Variants in CAMKK2 observed in about 807,000 individuals in gnomAD.
CAMKK2 encodes the protein calcium/calmodulin-dependent protein kinase kinase 2.
CAMKK2 carries 30 observed loss-of-function variants against 67.2 expected under a neutral mutation model. The observed-to-expected ratio is 0.45, with a 90% confidence interval of 0.33 to 0.61. The LOEUF is 0.61. Ranked by LOEUF, CAMKK2 falls within the 20% of genes least tolerant of loss-of-function variation. The pLI is 0.02. For synonymous variants in CAMKK2, 322 were observed against 326.2 expected (o/e 0.99, Z 0.14); for missense variants, 643 against 802.0 (o/e 0.80, Z 2.39).
rs1291358851 is a variant in CAMKK2, at chr12:121,253,283, A to T, written c.1097T>A (p.Phe366Tyr). The change falls in exon 10 of 17, where the codon TTC (phenylalanine) becomes TAC (tyrosine). Residue 366 changes from phenylalanine (F) to tyrosine (Y), a missense_variant. Phe to Tyr is a conservative substitution (Grantham distance 22). Coordinates refer to ENST00000404169, the MANE Select transcript of CAMKK2 (RefSeq NM_001270485.2). The surrounding 1 kb of genome is among the most constrained non-coding windows in gnomAD (Gnocchi z 5.0). ...CAGGCCCAAGCTTACCTTCCCAGAG[A>T]AGATCTTGCGGGTCTCAGAGAGCGA... ...PESLSETRKIFSGKALDVWAM... is the reference protein window; with the variant it reads ...PESLSETRKIYSGKALDVWAM... The T allele has an allele frequency of 1.9e-6, 3 of 1,614,112 alleles. No homozygotes were observed. Among genetic ancestry groups the T allele is most frequent in the East Asian group, 4.5e-5 (2 of 44,880 alleles).
Position 121,263,845 on chromosome 12 carries a change from G to A in CAMKK2, c.720C>T (p.Leu240=). The stretch of plus-strand genomic sequence containing the variant: ...CCACATTGGGGTGGTCCAGCTTCTT[G>A]AGGATGGCAATTTCCTGGTACACCT... ...IEQVYQEIAI[L]KKLDHPNVVK... is the part of the protein sequence containing the mutation. Residue 240 remains leucine (L), a synonymous_variant, in exon 6 of 17, where the codon CTC becomes CTT. Coordinates refer to ENST00000404169, the MANE Select transcript of CAMKK2 (RefSeq NM_001270485.2). The A allele has an allele frequency of 6.2e-7, 1 of 1,611,966 alleles. No homozygotes were observed. Among genetic ancestry groups the A allele is most frequent in the Non-Finnish European group, 8.5e-7 (1 of 1,178,474 alleles).
At chr12:121,281,718 C>A (rs1275999406) in intron 1 of CAMKK2, among the ~76,000 whole-genome samples, 1 of 152,162 alleles carries the variant, frequency 6.6e-6, no homozygotes, top group South Asian at 2.1e-4. Flanking sequence ...GAGGCCGAGA[C>A]GGGTGGATCA....
At chr12:121,262,124 G>A (rs1893573555) in intron 6 of CAMKK2, among the ~76,000 whole-genome samples, 1 of 152,312 alleles carries the variant, frequency 6.6e-6, no homozygotes, top group East Asian at 1.9e-4. Flanking sequence ...AAGCAGAGAT[G>A]AGAATCCAAA....
chr12:121,276,906 G>C lies in CAMKK2; in HGVS notation c.-59-2321C>G, dbSNP rs1455920185. 2.6e-5 allele frequency among the ~76,000 whole-genome samples: 3 copies of C among 117,434 alleles called. 1 individual carries two copies. In the South Asian group the frequency reaches 1.0e-3, roughly 41 times the overall value. 77.0% of individuals were successfully genotyped at this position (117,434 alleles called of 152,430 possible). The stretch of plus-strand genomic sequence containing the variant: ...TCTCAAAAAAAAAGGGCGGGGTGGG[G>C]GGGGGGTCTCTCTAGATGTCCCAGG... On this transcript the variant is annotated intron_variant, in intron 1 of 16. Coordinates refer to ENST00000404169, the MANE Select transcript of CAMKK2 (RefSeq NM_001270485.2).
At position 121,253,876 on chromosome 12, in the gene CAMKK2, T is replaced by C. The variant is rs2567983; in HGVS notation, c.908-404A>G. On this transcript the variant is annotated intron_variant, in intron 9 of 16. Coordinates refer to ENST00000404169, the MANE Select transcript of CAMKK2 (RefSeq NM_001270485.2). This position sits in a 1 kb window ranked among gnomAD's most constrained non-coding sequence, Gnocchi z 5.0. ...TTACCAACAGCCAATACTCAACTGA[T>C]TTACCAAACCGACAATGACCTGAGC... is the stretch of plus-strand genomic sequence containing the variant. Among the ~76,000 whole-genome samples the C allele has an allele frequency of 0.014, 2,066 of 152,274 alleles. 45 individuals carry two copies. Among genetic ancestry groups the C allele is most frequent in the African/African-American group, 0.047 (1,931 of 41,520 alleles).
At chr12:121,257,097 T>C (rs377000196) in intron 7 of CAMKK2, among the ~76,000 whole-genome samples, 12 of 151,884 alleles carry the variant, frequency 7.9e-5, no homozygotes, top group Non-Finnish European at 1.6e-4. Flanking sequence ...TCTGGAATCA[T>C]ACACCCACAA....
Position 121,264,022 on chromosome 12 carries a change from G to A in CAMKK2, c.626-83C>T, listed in dbSNP as rs1008162936. ...GCAGCTGCAGGTGGGATGCCAAAAG[G>A]TGGGATGCCAAAAAGCCACTCTGCA... On this transcript the variant is annotated intron_variant, in intron 5 of 16. Coordinates refer to ENST00000404169, the MANE Select transcript of CAMKK2 (RefSeq NM_001270485.2). 1.6e-5 allele frequency: 22 copies of A among 1,360,388 alleles called. No homozygotes were observed. In the Admixed American group the frequency reaches 4.6e-4, roughly 28 times the overall value. The allele number at this position is 1,360,388 out of a possible 1,614,324, so 84.3% of individuals were successfully genotyped here.
chr12:121,252,084 G>C (rs1290372638), intron 11 of CAMKK2, among the ~76,000 whole-genome samples: 2 of 150,878 alleles, frequency 1.3e-5, no homozygotes, highest in Non-Finnish European at 1.5e-5. Context: ...AAATGGGAGA[G>C]GTGGCAGAAC....
intron 5 of CAMKK2, among the ~76,000 whole-genome samples, chr12:121,265,048 G>A (rs1025919213): frequency 2.0e-5 from 3 of 152,002 alleles, no homozygotes; most frequent in Non-Finnish European, 4.4e-5. Context: ...AGCAAGCATC[G>A]GGAGAGAAAA....
In CAMKK2 at chr12:121,248,618, G is replaced by T. The variant is rs776647930; in HGVS notation, c.1440C>A (p.Ser480Arg). Reference protein sequence around the residue: ...EVENSVKHIPSLATVILVKTM... With the variant: ...EVENSVKHIPRLATVILVKTM... ...CCATCCACCTTACCACGGTTGCCAA[G>T]CTGGGAATGTGTTTGACTGAGTTCT... Residue 480 changes from serine (S) to arginine (R), a missense_variant, in exon 14 of 17, where the codon AGC (serine) becomes AGA (arginine). Around this residue, in one of 3 missense-constraint regions of CAMKK2, gnomAD observed 20 missense variants for 52.0 expected, o/e 0.38. Transcript: ENST00000404169. 6.2e-7 allele frequency: 1 copy of T among 1,614,206 alleles called. No individual in the cohort carries two copies. Among genetic ancestry groups the T allele is most frequent in the South Asian group, 1.1e-5 (1 of 91,092 alleles).
intron 1 of CAMKK2, among the ~76,000 whole-genome samples, chr12:121,291,164 G>A (rs1899936449): frequency 6.6e-6 from 1 of 152,216 alleles, no homozygotes. Flanking sequence ...CAAGGGGTAG[G>A]TAAGGGTGCA....
rs1339534844 is a variant in CAMKK2 at position 121,248,729 on chromosome 12, G to A, written c.1329C>T (p.His443=). The A allele has an allele frequency of 8.1e-6, 13 of 1,614,084 alleles. No homozygotes were observed. The highest frequency in any genetic ancestry group is 1.7e-5 in the Admixed American group (1 of 60,034). ...CCGCCCCATGCCTCGTGACCCAGGG[G>A]TGCAGCTTCAACGAACGACAGGAGG... ...SRIVVPEIKL[H]PWVTRHGAEP... is the part of the protein sequence containing the mutation. Residue 443 remains histidine, a synonymous_variant, in exon 14 of 17, where the codon CAC becomes CAT. Coordinates refer to ENST00000404169, the MANE Select transcript of CAMKK2 (RefSeq NM_001270485.2).
At chr12:121,247,788 C>T (rs112991374) in intron 14 of CAMKK2, among the ~76,000 whole-genome samples, 5 of 152,216 alleles carry the variant, frequency 3.3e-5, no homozygotes, top group African/African-American at 1.2e-4. Context: ...GGCAATCCTT[C>T]ACAGCTGGAC....
At position 121,237,910 on chromosome 12, in the gene CAMKK2, AAT is replaced by A. The variant is rs1887806673; in HGVS notation, c.*2787_*2788del. 6.6e-6 allele frequency: 1 copy of A among 152,630 alleles called. No individual in the cohort carries two copies. Among genetic ancestry groups the A allele is most frequent in the South Asian group, 2.1e-4 (1 of 4,832 alleles). The allele number at this position is 152,630 out of a possible 1,614,324, so 9.5% of individuals were successfully genotyped here. A position where few individuals can be genotyped will look rare whatever the true frequency, so the allele number is the denominator to read the frequency against. On this transcript the variant is annotated 3_prime_UTR_variant, in exon 17 of 17. Coordinates refer to ENST00000404169, the MANE Select transcript of CAMKK2 (RefSeq NM_001270485.2). The surrounding 1 kb of genome is among the most constrained non-coding windows in gnomAD (Gnocchi z 4.5). ...CATTGAATCGATCACAGAGTAGAAA[AAT>A]CTGCAGTCCCCAGAAACTCGGCCTC...
At position 121,296,647 on chromosome 12, in the gene CAMKK2, G is replaced by C. The variant is rs1274882847; in HGVS notation, c.-69C>G. On this transcript the variant is annotated 5_prime_UTR_variant, in exon 1 of 17. Transcript: ENST00000404169. This position sits in a 1 kb window ranked among gnomAD's most constrained non-coding sequence, Gnocchi z 7.1. The stretch of plus-strand genomic sequence containing the variant: ...GCTACCGCCAGCTCACCTGGGCTCC[G>C]CGCCGCCGCCGCCTCCCGCGCTCTG... 6.6e-6 allele frequency: 1 copy of C among 151,306 alleles called. No homozygotes were observed. The highest frequency in any genetic ancestry group is 2.4e-5 in the African/African-American group (1 of 41,298). 9.4% of individuals were successfully genotyped at this position (151,306 alleles called of 1,614,324 possible).
intron 1 of CAMKK2, among the ~76,000 whole-genome samples, chr12:121,291,687 G>A (rs181028041): frequency 5.9e-5 from 9 of 152,316 alleles, no homozygotes; most frequent in South Asian, 2.1e-4. Context: ...TGATGAAAAT[G>A]CTCTGGAACT....
At chr12:121,268,439 G>C (rs112303588) in intron 5 of CAMKK2, among the ~76,000 whole-genome samples, 199 bp downstream of exon 5, 3,315 of 152,044 alleles carry the variant, frequency 0.022, 57 homozygotes, top group Non-Finnish European at 0.036. Context: ...CTGTCACCCA[G>C]GCTGGAGTGC....
intron 7 of CAMKK2, among the ~76,000 whole-genome samples, chr12:121,259,005 G>A (rs905848730): frequency 6.6e-6 from 1 of 151,964 alleles, no homozygotes; most frequent in Non-Finnish European, 1.5e-5. Context: ...CCCATGCCCA[G>A]CTAATTTTTG....
chr12:121,274,012 G>T, intron 2 of CAMKK2, 44 bp downstream of exon 2: 1 of 1,368,268 alleles, frequency 7.3e-7, no homozygotes, highest in Non-Finnish European at 9.8e-7. Flanking sequence ...GCAGGGAAGG[G>T]CACCAGGGAC....
Sources: allele counts gnomAD v4.1 joint callset (sites outside exome capture counted in the v4.1 genomes callset), GRCh38; gene constraint gnomAD v4.1.1; regional missense constraint gnomAD v4.1.1; non-coding constraint Gnocchi (gnomAD v3.1); transcripts MANE v1.5; gene names NCBI Gene and HGNC (gene_info 2026-07-23, HGNC 2026-07-21).